The following XKR6 variants were observed in gnomAD, a reference collection of about 807,000 sequenced individuals.
XKR6 encodes the protein XK-related protein 6.
XKR6 carries 22 observed loss-of-function variants against 56.7 expected under a neutral mutation model. The ratio of observed to expected loss-of-function variants is 0.39; its 90% CI spans 0.28 to 0.55. The LOEUF is 0.55. Among genes scored for constraint, XKR6 ranks in the 20% least tolerant of loss-of-function variants. The pLI, the probability that XKR6 is intolerant of heterozygous loss-of-function variation, is 0.66. For missense variants in XKR6, 852 were observed against 889.0 expected, an observed-to-expected ratio of 0.96 and a Z score of 0.53; for synonymous variants, 524 against 387.8, an observed-to-expected ratio of 1.35 and a Z score of -4.13.
intron 1 of XKR6, among the ~76,000 whole-genome samples, chr8:11,024,469 G>C (rs1798818010): frequency 6.6e-6 from 1 of 152,180 alleles, no homozygotes; most frequent in African/African-American, 2.4e-5. Context: ...AAAATGCCTA[G>C]TCAATTGTCT....
intron 1 of XKR6, chr8:11,062,887 A>G (rs764998336): frequency 1.1e-5 from 5 of 455,378 alleles, no homozygotes; most frequent in East Asian, 7.0e-5. Context: ...TCCCTTCCAG[A>G]CGTCGTACTG....
At chr8:11,068,138 T>C (rs897990214) in intron 1 of XKR6, among the ~76,000 whole-genome samples, 1 of 152,218 alleles carries the variant, frequency 6.6e-6, no homozygotes, top group African/African-American at 2.4e-5. Flanking sequence ...TCCCAGCCCA[T>C]CTGCTCTTTG....
intron 1 of XKR6, among the ~76,000 whole-genome samples, chr8:10,969,140 GT>G (rs1802321368): frequency 1.3e-5 from 2 of 152,182 alleles, no homozygotes; most frequent in African/African-American, 4.8e-5. Flanking sequence ...TATTTCCTGG[GT>G]CAGAGGTTGA....
chr8:10,959,228 T>A (rs528823393), intron 1 of XKR6, among the ~76,000 whole-genome samples: 2 of 152,278 alleles, frequency 1.3e-5, no homozygotes, highest in South Asian at 4.2e-4. Context: ...TGGTGAGGCC[T>A]GGCCTGGAGA....
In XKR6 at chr8:11,092,931, C is replaced by G. The variant is rs1332052357; in HGVS notation, c.764+107645G>C. ...GACCTGGAGCAACTGGCCCAGGACC[C>G]CCGCTGAGGGCCTCCTGCCCACCAT... On this transcript the variant is annotated intron_variant, in intron 1 of 2. Coordinates refer to ENST00000416569, the MANE Select transcript of XKR6 (RefSeq NM_173683.4). Among the ~76,000 whole-genome samples the G allele has an allele frequency of 4.6e-5, 7 of 152,372 alleles. No individual in the cohort carries two copies. The East Asian group carries it at 1.3e-3, about 29-fold the overall frequency.
intron 1 of XKR6, among the ~76,000 whole-genome samples, chr8:11,160,911 C>CAAAA (rs33931830): frequency 3.0e-3 from 188 of 63,360 alleles, no homozygotes; most frequent in Middle Eastern, 0.01. Flanking sequence ...GACTCCGTCT[C>CAAAA]AAAAAAAAAA....
chr8:11,104,176 C>T (rs1171881674), intron 1 of XKR6, among the ~76,000 whole-genome samples: 1 of 152,206 alleles, frequency 6.6e-6, no homozygotes, highest in Non-Finnish European at 1.5e-5. Context: ...GTATGGCAAG[C>T]TTTCCCTAAT....
chr8:11,047,634 G>C (rs962849633), intron 1 of XKR6, among the ~76,000 whole-genome samples: 5 of 152,202 alleles, frequency 3.3e-5, no homozygotes, highest in Non-Finnish European at 5.9e-5. Context: ...GGGGCATGAG[G>C]AGTTGTTGTT....
chr8:11,123,173 G>T (rs1352276327), intron 1 of XKR6, among the ~76,000 whole-genome samples: 1 of 150,594 alleles, frequency 6.6e-6, no homozygotes, highest in African/African-American at 2.4e-5. Context: ...GGAGGTGGAG[G>T]TCGCAGTGAG....
Position 11,147,908 on chromosome 8 carries a change from G to C in XKR6, c.764+52668C>G, listed in dbSNP as rs146517190. ...TATTTGGAGAGGAGGTCTTTAAAGA[G>C]GTAATTAAGCTAAAATGAGGGCCGG... On this transcript the variant is annotated intron_variant, in intron 1 of 2. Coordinates refer to ENST00000416569, the MANE Select transcript of XKR6 (RefSeq NM_173683.4). 3.6e-3 allele frequency among the ~76,000 whole-genome samples: 550 copies of C among 151,922 alleles called. 4 individuals are homozygous for C. Among genetic ancestry groups the C allele is most frequent in the African/African-American group, 0.013 (523 of 41,408 alleles).
chr8:11,021,340 A>G (rs1168339235), intron 1 of XKR6, among the ~76,000 whole-genome samples: 3 of 152,220 alleles, frequency 2.0e-5, no homozygotes, highest in African/African-American at 7.2e-5. Flanking sequence ...AGCTAAAGTG[A>G]TGGACTGCTG....
chr8:11,095,027 C>A (rs1016785913), intron 1 of XKR6, among the ~76,000 whole-genome samples: 3 of 152,152 alleles, frequency 2.0e-5, no homozygotes, highest in African/African-American at 7.2e-5. Context: ...GCACATGTAC[C>A]TCTGAACTTA....
chr8:11,163,005 C>A (rs1240834032), intron 1 of XKR6, among the ~76,000 whole-genome samples: 1 of 152,162 alleles, frequency 6.6e-6, no homozygotes, highest in African/African-American at 2.4e-5. Context: ...GAAAACAGCT[C>A]TTCTTTAAAG....
intron 1 of XKR6, among the ~76,000 whole-genome samples, chr8:11,192,384 C>T (rs1385157020): frequency 1.3e-5 from 2 of 152,080 alleles, no homozygotes; most frequent in Non-Finnish European, 2.9e-5. Flanking sequence ...CTCCTGACCT[C>T]GTGATCCATC....
chr8:11,063,201 C>CTAAATAAA (rs3062751), intron 1 of XKR6, among the ~76,000 whole-genome samples: 65 of 149,940 alleles, frequency 4.3e-4, no homozygotes, highest in African/African-American at 7.9e-4. Flanking sequence ...CCGTCTCTAC[C>CTAAATAAA]TAAATAAATA....
chr8:11,069,580 C>T (rs1345639683), intron 1 of XKR6, among the ~76,000 whole-genome samples: 1 of 152,146 alleles, frequency 6.6e-6, no homozygotes, highest in Non-Finnish European at 1.5e-5. Flanking sequence ...GCCATCTTCC[C>T]CTGCCCCCAA....
chr8:11,070,592 C>G (rs887334073), intron 1 of XKR6, among the ~76,000 whole-genome samples: 1 of 152,112 alleles, frequency 6.6e-6, no homozygotes, highest in African/African-American at 2.4e-5. Context: ...ATGCCAGTGC[C>G]TCACTAGTAG....
chr8:10,908,687 G>A, intron 2 of XKR6, among the ~76,000 whole-genome samples: 1 of 152,128 alleles, frequency 6.6e-6, no homozygotes, highest in Non-Finnish European at 1.5e-5. Flanking sequence ...GCAACTCCCT[G>A]CCATGGTTTG....
chr8:10,988,753 A>C (rs1410309217), intron 1 of XKR6, among the ~76,000 whole-genome samples: 1 of 152,224 alleles, frequency 6.6e-6, no homozygotes, highest in Admixed American at 6.5e-5. Flanking sequence ...GATCAAAGAG[A>C]GTTAATGGTC....
Sources: gnomAD v4.1 joint callset for allele counts (sites outside exome capture counted in the v4.1 genomes callset) on GRCh38, gnomAD v4.1.1 for gene constraint, MANE v1.5 for transcripts, NCBI Gene and HGNC (gene_info 2026-07-23, HGNC 2026-07-21) for gene names.